COL18A1: variants seen among roughly 807,000 people sequenced by gnomAD.
COL18A1 encodes collagen type XVIII alpha 1 chain.
Under a neutral mutation model 168.0 loss-of-function variants are expected in COL18A1, and 133 were observed. The ratio of observed to expected loss-of-function variants is 0.79; its 90% CI spans 0.69 to 0.91. COL18A1 has a LOEUF of 0.91. Among genes scored for constraint, COL18A1 ranks in the 40% least tolerant of loss-of-function variants. The pLI is 0.00. For missense variants in COL18A1, 2,126 were observed against 1,925.4 expected, an observed-to-expected ratio of 1.10 and a Z score of -1.95; for synonymous variants, 949 against 809.0, an observed-to-expected ratio of 1.17 and a Z score of -2.94.
chr21:45,419,353 GCGATGCCGTGTGTGGTGACA>G (rs967410041), intron 2 of COL18A1, among the ~76,000 whole-genome samples: 39 of 151,866 alleles, frequency 2.6e-4, no homozygotes, highest in Admixed American at 9.8e-4. Context: ...GTAGTGATGC[GCGATGCCGTGTGTGGTGACA>G]CGATGCCGTG....
chr21:45,487,712 G>A, intron 17 of COL18A1: 2 of 710,238 alleles, frequency 2.8e-6, no homozygotes, highest in South Asian at 2.9e-5. Context: ...AAAGTCACGG[G>A]GTGAGGGCCT....
Position 45,504,430 on chromosome 21 carries a change from C to A in COL18A1, c.2742C>A (p.Asp914Glu). ...LEAEMKGEKGDRGDAGQKGER... is the reference protein window; with the variant it reads ...LEAEMKGEKGERGDAGQKGER... ...TCCGTCCACAGGGGGAGAAGGGAGA[C>A]CGAGGTGATGCAGGACAGAAAGGCG... The change falls in exon 34 of 42, where the codon GAC (aspartate) becomes GAA (glutamate). Residue 914 changes from aspartate to glutamate, a missense_variant. Asp to Glu is a conservative substitution (Grantham distance 45, BLOSUM62 2). Coordinates refer to ENST00000651438, the MANE Select transcript of COL18A1 (RefSeq NM_001379500.1). The A allele has an allele frequency of 6.2e-7, 1 of 1,611,596 alleles. No homozygotes were observed. Among genetic ancestry groups the A allele is most frequent in the African/African-American group, 1.3e-5 (1 of 74,992 alleles).
chr21:45,507,443 C>G, intron 37 of COL18A1, 118 bp from the exon 38 acceptor site: 1 of 905,126 alleles, frequency 1.1e-6, no homozygotes, highest in Non-Finnish European at 1.8e-6. Context: ...AGGGAGGGCA[C>G]CCTCCTGTGG....
chr21:45,508,299 GGTGGTTGCTGGACAGGTGGGTGA>G (rs1372655180), intron 38 of COL18A1, among the ~76,000 whole-genome samples: 1 of 150,672 alleles, frequency 6.6e-6, no homozygotes, highest in African/African-American at 2.4e-5. Flanking sequence ...GAGGTGGATG[GGTGGTTGCTGGACAGGTGGGTGA>G]GTGGATAGAT....
intron 32 of COL18A1, 124 bp from the exon 33 acceptor site, chr21:45,503,887 G>T (rs972370449): frequency 1.1e-5 from 10 of 900,270 alleles, no homozygotes; most frequent in East Asian, 5.0e-5. Context: ...AATTAAATAC[G>T]CGATCTCTAC....
chr21:45,421,288 G>T, intron 2 of COL18A1: 1 of 396,188 alleles, frequency 2.5e-6, no homozygotes. Context: ...AGGGCCTGGT[G>T]CGGCTGGACA....
At chr21:45,477,179 T>C (rs2236461) in intron 6 of COL18A1, among the ~76,000 whole-genome samples, 36,340 of 152,108 alleles carry the variant, frequency 0.24, 4,443 homozygotes, top group African/African-American at 0.32. Context: ...CAGCTGTCAT[T>C]GGCTTAGATG....
chr21:45,437,984 TCAGACACA>T (rs1230657457), intron 2 of COL18A1, among the ~76,000 whole-genome samples: 1 of 17,332 alleles, frequency 5.8e-5, no homozygotes, highest in Admixed American at 5.8e-4. Flanking sequence ...ACTCACACAC[TCAGACACA>T]CAGGCACTCT....
chr21:45,504,163 C>A, intron 33 of COL18A1, 109 bp downstream of exon 33: 3 of 1,298,420 alleles, frequency 2.3e-6, no homozygotes, highest in Non-Finnish European at 2.2e-6. Context: ...TCCTGTTCAG[C>A]CCTGCGAGGG....
chr21:45,479,073 G>T (rs570788406), intron 9 of COL18A1, among the ~76,000 whole-genome samples: 1 of 136,536 alleles, frequency 7.3e-6, no homozygotes, highest in East Asian at 2.1e-4. Context: ...CAGGGTACAC[G>T]CACGCGTGTG....
intron 31 of COL18A1, among the ~76,000 whole-genome samples, 191 bp downstream of exon 31, chr21:45,497,283 C>A (rs2036576474): frequency 1.3e-5 from 2 of 152,240 alleles, no homozygotes; most frequent in South Asian, 4.1e-4. Context: ...CCGTCCAGGA[C>A]CTGACCTTGG....
At chr21:45,406,897 C>T (rs35205716) in intron 2 of COL18A1, among the ~76,000 whole-genome samples, 21,760 of 152,254 alleles carry the variant, frequency 0.14, 2,419 homozygotes, top group East Asian at 0.51. Context: ...CAGTGCAGGC[C>T]TCAGCAGGGA....
chr21:45,480,821 C>T lies in COL18A1; in HGVS notation c.1574C>T (p.Pro525Leu). 6.2e-7 allele frequency: 1 copy of T among 1,612,000 alleles called. No homozygotes were observed. The highest frequency in any genetic ancestry group is 1.1e-5 in the South Asian group (1 of 90,996). Residue 525 changes from proline to leucine, a missense_variant, in exon 13 of 42, where the codon CCT (proline) becomes CTT (leucine). Transcript: ENST00000651438. The part of the protein sequence containing the change: ...VPGPAGLPGV[P>L]GREGPPGFPG... ...GGACCCGCCGGCCTTCCTGGTGTGC[C>T]TGGGCGCGAGGGTCCCCCCGGGTTT...
chr21:45,501,072 GT>G (rs2146038899), intron 32 of COL18A1, among the ~76,000 whole-genome samples: 1 of 88,088 alleles, frequency 1.1e-5, no homozygotes, highest in African/African-American at 5.0e-5. Context: ...GTGTGGTTTG[GT>G]GTGTGTTGGG....
intron 2 of COL18A1, among the ~76,000 whole-genome samples, chr21:45,415,348 G>C (rs185539655): frequency 6.6e-6 from 1 of 152,146 alleles, no homozygotes; most frequent in Non-Finnish European, 1.5e-5. Context: ...ATGAGTCCTC[G>C]GCCTTCGGAA....
At chr21:45,491,395 C>T (rs2145986062) in intron 22 of COL18A1, 81 bp downstream of exon 22, 1 of 707,924 alleles carries the variant, frequency 1.4e-6, no homozygotes, top group East Asian at 2.7e-5. Flanking sequence ...GCCCCCCCCA[C>T]ACCCCCACAT....
rs769806120 is a variant in COL18A1, at chr21:45,480,065, C to G, written c.1312-5C>G. On this transcript the variant is annotated splice_polypyrimidine_tract_variant and splice_region_variant and intron_variant, in intron 10 of 41. Transcript: ENST00000651438. The stretch of plus-strand genomic sequence containing the variant: ...GGGTATGATAGGCTTGTCTTGTGTT[C>G]CCAGGGAGACCCTGGGGTTGGAGAG... 7 of 1,610,046 alleles carry G rather than the reference C, an allele frequency of 4.3e-6. No homozygotes were observed. In the Admixed American group the frequency reaches 8.3e-5, roughly 19 times the overall value.
chr21:45,495,336 C>A, intron 28 of COL18A1, 22 bp from the exon 29 acceptor site: 1 of 1,592,206 alleles, frequency 6.3e-7, no homozygotes. Flanking sequence ...CAGCAGTCCC[C>A]ACCCCCTGTG....
intron 15 of COL18A1, 87 bp downstream of exon 15, chr21:45,482,908 G>T: frequency 6.3e-7 from 1 of 1,595,238 alleles, no homozygotes; most frequent in Non-Finnish European, 8.6e-7. Flanking sequence ...CAGCCCCACG[G>T]TCGAGAGAGT....
Sources: gnomAD v4.1 joint callset for allele counts (sites outside exome capture counted in the v4.1 genomes callset) on GRCh38, gnomAD v4.1.1 for gene constraint, MANE v1.5 for transcripts, NCBI Gene and HGNC (gene_info 2026-07-23, HGNC 2026-07-21) for gene names.